Variants in COL5A1 observed in about 807,000 individuals in gnomAD.
COL5A1 encodes collagen alpha-1(V) chain.
COL5A1 carries 16 observed loss-of-function variants against 263.7 expected under a neutral mutation model. The ratio of observed to expected loss-of-function variants is 0.06; its 90% CI spans 0.04 to 0.09. The LOEUF is 0.09. COL5A1 is among the 10% of genes least tolerant of loss of function. The pLI is 1.00. For missense variants in COL5A1, 2,036 were observed against 2,540.5 expected, an observed-to-expected ratio of 0.80 and a Z score of 4.27; for synonymous variants, 1,012 against 1,004.5, an observed-to-expected ratio of 1.01 and a Z score of -0.14.
chr9:134,663,415 G>T (rs933554817), intron 1 of COL5A1, among the ~76,000 whole-genome samples: 7 of 152,204 alleles, frequency 4.6e-5, no homozygotes, highest in Non-Finnish European at 7.3e-5. Context: ...GGCCTCGGGA[G>T]TCTGCTGGGG....
chr9:134,756,706 C>CGG, intron 16 of COL5A1, 59 bp from the exon 17 acceptor site: 4 of 1,561,718 alleles, frequency 2.6e-6, no homozygotes, highest in Non-Finnish European at 3.5e-6. Context: ...AACCATGGCC[C>CGG]GGGGGTCTCA....
At chr9:134,703,827 G>C (rs1373362871) in intron 4 of COL5A1, among the ~76,000 whole-genome samples, 1 of 151,864 alleles carries the variant, frequency 6.6e-6, no homozygotes, top group Non-Finnish European at 1.5e-5. Context: ...TTTTAGTAGA[G>C]ATGGGGTTTC....
At chr9:134,776,577 G>A (rs944874293) in intron 27 of COL5A1, among the ~76,000 whole-genome samples, 2 of 152,214 alleles carry the variant, frequency 1.3e-5, no homozygotes, top group Non-Finnish European at 2.9e-5. Flanking sequence ...AGTTTGGCCC[G>A]GGTGGCAGTG....
intron 1 of COL5A1, among the ~76,000 whole-genome samples, chr9:134,679,147 T>C (rs1048403574): frequency 1.3e-5 from 2 of 152,188 alleles, no homozygotes; most frequent in South Asian, 2.1e-4. Flanking sequence ...TTTCGCTCTC[T>C]GGGCCTCCTT....
At chr9:134,654,942 G>A (rs1330131316) in intron 1 of COL5A1, among the ~76,000 whole-genome samples, 5 of 114,828 alleles carry the variant, frequency 4.4e-5, no homozygotes, top group East Asian at 2.9e-4. Context: ...TAGGGCTGGG[G>A]GTGTGTAGAG....
intron 2 of COL5A1, among the ~76,000 whole-genome samples, chr9:134,697,692 C>G (rs1290940834): frequency 1.3e-5 from 2 of 152,136 alleles, no homozygotes; most frequent in African/African-American, 2.4e-5. Context: ...CTGCTGGCAG[C>G]CTTGCCATAT....
chr9:134,710,105 A>G (rs1179649217), intron 4 of COL5A1, among the ~76,000 whole-genome samples: 2 of 152,204 alleles, frequency 1.3e-5, no homozygotes, highest in East Asian at 1.9e-4. Context: ...CATCCTTCCC[A>G]TGGCTTTGAG....
At chr9:134,809,584 TC>T (rs1303586756) in intron 43 of COL5A1, among the ~76,000 whole-genome samples, 1 of 152,190 alleles carries the variant, frequency 6.6e-6, no homozygotes, top group African/African-American at 2.4e-5. Context: ...AGAAAAATGC[TC>T]CCCGGTCCCC....
At chr9:134,653,033 G>C (rs1371011275) in intron 1 of COL5A1, among the ~76,000 whole-genome samples, 1 of 152,092 alleles carries the variant, frequency 6.6e-6, no homozygotes, top group Non-Finnish European at 1.5e-5. Flanking sequence ...TCGTGGGGTG[G>C]GGAGGGCACC....
At chr9:134,667,147 A>G (rs1564375093) in intron 1 of COL5A1, among the ~76,000 whole-genome samples, 1 of 152,200 alleles carries the variant, frequency 6.6e-6, no homozygotes, top group African/African-American at 2.4e-5. Flanking sequence ...CTAGCTGCTT[A>G]TGGTGACTTT....
At chr9:134,791,770 G>A (rs1378028303) in intron 32 of COL5A1, among the ~76,000 whole-genome samples, 1 of 152,042 alleles carries the variant, frequency 6.6e-6, no homozygotes, top group African/African-American at 2.4e-5. Flanking sequence ...GTAGTCTTGG[G>A]TGCAGTCCAT....
intron 1 of COL5A1, among the ~76,000 whole-genome samples, chr9:134,655,032 TG>T (rs1406543365): frequency 1.6e-4 from 16 of 97,456 alleles, no homozygotes; most frequent in Non-Finnish European, 3.2e-4. Context: ...TGTGTAGGGC[TG>T]GGGGTGTGTA....
chr9:134,798,483 G>A, intron 37 of COL5A1, 22 bp downstream of exon 37: 3 of 1,613,194 alleles, frequency 1.9e-6, no homozygotes, highest in Non-Finnish European at 2.5e-6. Context: ...GGGTGCTGGG[G>A]GACGTGGCTG....
intron 31 of COL5A1, among the ~76,000 whole-genome samples, chr9:134,788,035 A>G (rs1215086148): frequency 6.6e-6 from 1 of 151,970 alleles, no homozygotes; most frequent in African/African-American, 2.4e-5. Context: ...ATGAATGGGT[A>G]GGTATGTGGG....
chr9:134,759,231 T>TCATAC (rs1564437119), intron 18 of COL5A1, among the ~76,000 whole-genome samples: 3,565 of 123,632 alleles, frequency 0.029, 155 homozygotes, highest in African/African-American at 0.11. Flanking sequence ...CACCCACACA[T>TCATAC]ACACCACATA....
At chr9:134,784,952 G>GT in intron 29 of COL5A1, 37 bp from the exon 30 acceptor site, 1 of 1,483,508 alleles carries the variant, frequency 6.7e-7, no homozygotes, top group Non-Finnish European at 9.4e-7. Context: ...GTGTGTGCGG[G>GT]GGGTGGTCTT....
rs769511371 is a variant in COL5A1, at chr9:134,728,623, C to T, written c.787-47C>T. 4.4e-5 allele frequency: 71 copies of T among 1,612,456 alleles called. 1 individual carries two copies. The South Asian group carries it at 7.2e-4, about 16-fold the overall frequency. The stretch of plus-strand genomic sequence containing the variant: ...GGAAGGAAGGACAGCAGGCTGGTCG[C>T]TCTGCGGGCTCCGCTGCTTCCTCAC... On this transcript the variant is annotated intron_variant, in intron 5 of 65. Coordinates refer to ENST00000371817, the MANE Select transcript of COL5A1 (RefSeq NM_000093.5).
intron 49 of COL5A1, among the ~76,000 whole-genome samples, chr9:134,814,330 C>T (rs555892115): frequency 6.6e-6 from 1 of 152,322 alleles, no homozygotes; most frequent in Admixed American, 6.5e-5. Flanking sequence ...CCTCGTCCCC[C>T]CGGACCTTGA....
At position 134,755,773 on chromosome 9, in the gene COL5A1, C is replaced by A. The variant is rs1304817580; in HGVS notation, c.1828-992C>A. ...GGAGCAACGGGAGCACCGACTGTCT[C>A]CTTGGGGTGTGTTTGGATTTCTCTC... On this transcript the variant is annotated intron_variant, in intron 16 of 65. Transcript: ENST00000371817. This position sits in a 1 kb window ranked among gnomAD's most constrained non-coding sequence, Gnocchi z 4.1. 6.6e-6 allele frequency among the ~76,000 whole-genome samples: 1 copy of A among 152,190 alleles called. No individual in the cohort carries two copies. The highest frequency in any genetic ancestry group is 1.5e-5 in the Non-Finnish European group (1 of 68,038).
Sources: allele counts gnomAD v4.1 joint callset (sites outside exome capture counted in the v4.1 genomes callset), GRCh38; gene constraint gnomAD v4.1.1; non-coding constraint Gnocchi (gnomAD v3.1); transcripts MANE v1.5; gene names NCBI Gene and HGNC (gene_info 2026-07-23, HGNC 2026-07-21).